The following PCDHGB4 variants were observed in gnomAD, a reference collection of about 807,000 sequenced individuals.
The protein encoded by PCDHGB4 is protocadherin gamma-B4.
Under a neutral mutation model 60.5 loss-of-function variants are expected in PCDHGB4, and 38 were observed. That is an observed-to-expected ratio of 0.63 (90% CI 0.48 to 0.82). The LOEUF is 0.82. Ranked by LOEUF, PCDHGB4 falls within the 40% of genes least tolerant of loss-of-function variation. The pLI is 0.00. For missense variants in PCDHGB4, 1,109 were observed against 1,209.6 expected (o/e 0.92, Z 1.23); for synonymous variants, 456 against 509.7 (o/e 0.89, Z 1.42).
chr5:141,505,577 G>A lies in PCDHGB4; in HGVS notation c.2545+96G>A, dbSNP rs537948666. 8.2e-6 allele frequency: 13 copies of A among 1,589,854 alleles called. No homozygotes were observed. The African/African-American group carries it at 1.1e-4, about 13-fold the overall frequency. Reference sequence around the variant, plus strand: ...TGCCCACGGACTGGATGTCAAACCTGTGTAGTTTCTCCAGATCTTTCGGCA... The same window carrying A: ...TGCCCACGGACTGGATGTCAAACCTATGTAGTTTCTCCAGATCTTTCGGCA... On this transcript the variant is annotated intron_variant, in intron 3 of 3. Coordinates refer to ENST00000519479, the MANE Select transcript of PCDHGB4 (RefSeq NM_003736.4).
intron 1 of PCDHGB4, chr5:141,413,192 A>G: frequency 1.2e-6 from 2 of 1,607,816 alleles, no homozygotes; most frequent in South Asian, 2.2e-5. Context: ...GCTCAAAGGA[A>G]TCGCTCAAAG....
chr5:141,488,837 C>A (rs550655328), intron 1 of PCDHGB4, among the ~76,000 whole-genome samples: 1 of 152,280 alleles, frequency 6.6e-6, no homozygotes, highest in African/African-American at 2.4e-5. Context: ...GCCAAGGGGG[C>A]TGAATCAACC....
At chr5:141,425,069 A>C (rs771114613) in intron 1 of PCDHGB4, among the ~76,000 whole-genome samples, 30 of 152,170 alleles carry the variant, frequency 2.0e-4, no homozygotes, top group Non-Finnish European at 4.1e-4. Context: ...GACAAAAATA[A>C]TTTCAACTGT....
chr5:141,422,563 G>A, intron 1 of PCDHGB4: 3 of 1,613,986 alleles, frequency 1.9e-6, no homozygotes, highest in African/African-American at 1.3e-5. Flanking sequence ...TGTGGCAGAT[G>A]ACAACGATAA....
chr5:141,429,851 TC>T (rs1447325775), intron 1 of PCDHGB4, among the ~76,000 whole-genome samples: 2 of 152,224 alleles, frequency 1.3e-5, no homozygotes, highest in African/African-American at 4.8e-5. Context: ...TCTGTAACAT[TC>T]TTTGGACTAC....
At chr5:141,482,530 C>CAAAAAAAAAAAAAAA (rs3074545) in intron 1 of PCDHGB4, among the ~76,000 whole-genome samples, 1 of 76,562 alleles carries the variant, frequency 1.3e-5, no homozygotes, top group African/African-American at 4.8e-5. Flanking sequence ...GACAGACATG[C>CAAAAAAAAAAAAAAA]AAAAAAAAAA....
At chr5:141,402,816 C>A (rs1009078444) in intron 1 of PCDHGB4, 4 of 1,261,760 alleles carry the variant, frequency 3.2e-6, no homozygotes, top group South Asian at 3.4e-5. Flanking sequence ...ATACCACAAA[C>A]CTGCTCCCAG....
At position 141,494,854 on chromosome 5, in the gene PCDHGB4, C is replaced by T. The variant is rs1353498253; in HGVS notation, c.2445C>T (p.Pro815=). ...TDWRFSQAQR[P]GTSGSQNGDD... The stretch of plus-strand genomic sequence containing the variant: ...GGCGTTTCTCTCAGGCCCAGAGACC[C>T]GGCACCAGCGGGTAGGTGACTGATT... The change falls in exon 2 of 4, where the codon CCC becomes CCT. Residue 815 remains proline (P), a synonymous_variant. Coordinates refer to ENST00000519479, the MANE Select transcript of PCDHGB4 (RefSeq NM_003736.4). 1.2e-6 allele frequency: 2 copies of T among 1,614,120 alleles called. No homozygotes were observed. Among genetic ancestry groups the T allele is most frequent in the East Asian group, 2.2e-5 (1 of 44,870 alleles).
chr5:141,444,594 T>C (rs2098442338), intron 1 of PCDHGB4, among the ~76,000 whole-genome samples: 1 of 152,244 alleles, frequency 6.6e-6, no homozygotes, highest in South Asian at 2.1e-4. Flanking sequence ...ACTTACCTTA[T>C]TTAAAATTGA....
At chr5:141,407,943 T>C (rs575027782) in intron 1 of PCDHGB4, 7 of 537,790 alleles carry the variant, frequency 1.3e-5, no homozygotes, top group African/African-American at 7.6e-5. Flanking sequence ...TGGGCGCCGC[T>C]GTCGGCCAGT....
At chr5:141,460,981 GTGTATATA>G (rs1342006423) in intron 1 of PCDHGB4, among the ~76,000 whole-genome samples, 30 of 121,890 alleles carry the variant, frequency 2.5e-4, no homozygotes, top group African/African-American at 5.8e-4. Flanking sequence ...GTGTGTGTGT[GTGTATATA>G]TATATATGTG....
chr5:141,394,761 G>A, intron 1 of PCDHGB4: 1 of 1,613,428 alleles, frequency 6.2e-7, no homozygotes, highest in South Asian at 1.1e-5. Context: ...CCAGGACCAT[G>A]GCCAGCCCCC....
At chr5:141,395,067 AC>A (rs1479370833) in intron 1 of PCDHGB4, 1 of 1,613,888 alleles carries the variant, frequency 6.2e-7, no homozygotes, top group African/African-American at 1.3e-5. Flanking sequence ...TTTCCTGCAG[AC>A]CTATTCCCAG....
chr5:141,501,327 AC>A (rs1208116606), intron 2 of PCDHGB4, among the ~76,000 whole-genome samples: 2 of 151,364 alleles, frequency 1.3e-5, no homozygotes, highest in Non-Finnish European at 2.9e-5. Context: ...ACACACACAC[AC>A]ACACACCCCA....
intron 2 of PCDHGB4, among the ~76,000 whole-genome samples, chr5:141,498,872 G>T (rs912789877): frequency 1.4e-4 from 21 of 151,650 alleles, no homozygotes; most frequent in Non-Finnish European, 2.9e-4. Flanking sequence ...GGCGGAGGTT[G>T]CAGTGAGCTG....
intron 1 of PCDHGB4, among the ~76,000 whole-genome samples, chr5:141,462,798 C>A (rs1458659959): frequency 6.6e-6 from 1 of 152,072 alleles, no homozygotes; most frequent in Non-Finnish European, 1.5e-5. Flanking sequence ...ATTTGCATGT[C>A]TAATAATGTT....
chr5:141,420,438 GC>G, intron 1 of PCDHGB4: 1 of 1,107,996 alleles, frequency 9.0e-7, no homozygotes, highest in Non-Finnish European at 1.2e-6. Flanking sequence ...TAAATTAAAT[GC>G]CTCAGTCTTC....
intron 1 of PCDHGB4, chr5:141,394,183 A>G: frequency 1.2e-6 from 2 of 1,613,702 alleles, no homozygotes; most frequent in Non-Finnish European, 1.7e-6. Context: ...CATGCCTCCT[A>G]CTCAGCGTAT....
At chr5:141,418,800 G>A in intron 1 of PCDHGB4, 1 of 1,613,800 alleles carries the variant, frequency 6.2e-7, no homozygotes, top group African/African-American at 1.3e-5. Context: ...GAAGTAGAAA[G>A]ATATACGATA....
Sources: gnomAD v4.1 joint callset for allele counts (sites outside exome capture counted in the v4.1 genomes callset) on GRCh38, gnomAD v4.1.1 for gene constraint, MANE v1.5 for transcripts, NCBI Gene and HGNC (gene_info 2026-07-23, HGNC 2026-07-21) for gene names.